GRID2: variants seen among roughly 807,000 people sequenced by gnomAD.
GRID2 encodes the protein glutamate receptor ionotropic, delta-2.
GRID2 carries 33 observed loss-of-function variants against 114.8 expected under a neutral mutation model. That is an observed-to-expected ratio of 0.29 (90% confidence interval 0.22 to 0.38). The LOEUF (loss-of-function observed/expected upper bound fraction) is 0.38, where lower values mean the gene tolerates loss of function less well. Ranked by LOEUF, GRID2 falls within the 10% of genes least tolerant of loss-of-function variation. The pLI is 1.00. For missense variants in GRID2, 1,184 were observed against 1,257.7 expected (o/e 0.94, Z 0.89); for synonymous variants, 505 against 449.9 (o/e 1.12, Z -1.55).
At chr4:93,734,699 T>C (rs1730777239) in intron 14 of GRID2, among the ~76,000 whole-genome samples, 1 of 151,826 alleles carries the variant, frequency 6.6e-6, no homozygotes, top group Non-Finnish European at 1.5e-5. Context: ...TGGGAGTGTA[T>C]GAGGTTGGTA....
At chr4:93,583,819 C>T (rs1737243439) in intron 13 of GRID2, among the ~76,000 whole-genome samples, 1 of 152,116 alleles carries the variant, frequency 6.6e-6, no homozygotes, top group Non-Finnish European at 1.5e-5. Context: ...TAGCAATTGA[C>T]AACTAATACA....
chr4:93,297,719 TATC>T (rs1324672132), intron 8 of GRID2, among the ~76,000 whole-genome samples: 1 of 152,228 alleles, frequency 6.6e-6, no homozygotes, highest in Non-Finnish European at 1.5e-5. Flanking sequence ...TATTGGCTAA[TATC>T]ATGATCATGA....
At chr4:92,881,053 C>G (rs1745973700) in intron 2 of GRID2, among the ~76,000 whole-genome samples, 1 of 152,102 alleles carries the variant, frequency 6.6e-6, no homozygotes, top group Non-Finnish European at 1.5e-5. Context: ...TAGACATGAG[C>G]CACCATGCCC....
intron 8 of GRID2, among the ~76,000 whole-genome samples, chr4:93,335,195 T>C (rs1010864102): frequency 1.3e-5 from 2 of 152,196 alleles, no homozygotes; most frequent in African/African-American, 4.8e-5. Context: ...AAAAATTTTG[T>C]GTGATATTCA....
intron 13 of GRID2, among the ~76,000 whole-genome samples, chr4:93,591,213 A>G (rs1481705453): frequency 6.6e-6 from 1 of 151,036 alleles, no homozygotes; most frequent in Admixed American, 6.6e-5. Flanking sequence ...AGCTCTTATT[A>G]TTTTGAAATA....
chr4:93,500,559 T>G (rs1015354132), intron 12 of GRID2, among the ~76,000 whole-genome samples: 1 of 152,036 alleles, frequency 6.6e-6, no homozygotes, highest in Non-Finnish European at 1.5e-5. Flanking sequence ...CATCCTACCT[T>G]ACAGTCTATC....
chr4:93,562,193 A>G (rs1734989046), intron 13 of GRID2, among the ~76,000 whole-genome samples: 2 of 135,532 alleles, frequency 1.5e-5, no homozygotes, highest in African/African-American at 6.1e-5. Flanking sequence ...TGGTTTTGTC[A>G]GAGTTTTTTT....
chr4:92,531,255 G>A (rs1341209913), intron 1 of GRID2, among the ~76,000 whole-genome samples: 1 of 151,964 alleles, frequency 6.6e-6, no homozygotes, highest in Non-Finnish European at 1.5e-5. Flanking sequence ...TGCATAATTA[G>A]GAGGAGAAAA....
rs1444486502 is a variant in GRID2, at chr4:92,578,190, C to T, written c.89-11941C>T. On this transcript the variant is annotated intron_variant, in intron 1 of 15. Coordinates refer to ENST00000282020, the MANE Select transcript of GRID2 (RefSeq NM_001510.4). ...CGTGCAGGTTAGTTACATATGTATA[C>T]ATGTGCCATGCTGGTGTGCTGCACC... is the stretch of plus-strand genomic sequence containing the variant. 2.7e-5 allele frequency among the ~76,000 whole-genome samples: 4 copies of T among 149,738 alleles called. No individual in the cohort carries two copies. The East Asian group carries it at 8.0e-4, about 30-fold the overall frequency.
intron 8 of GRID2, among the ~76,000 whole-genome samples, chr4:93,301,549 G>C (rs186920719): frequency 8.2e-4 from 125 of 152,142 alleles, no homozygotes; most frequent in Middle Eastern, 3.4e-3. Flanking sequence ...AGATGTTAAT[G>C]ATGATAATAT....
intron 13 of GRID2, among the ~76,000 whole-genome samples, chr4:93,603,952 C>T (rs1159644477): frequency 2.6e-5 from 4 of 152,118 alleles, no homozygotes; most frequent in African/African-American, 4.8e-5. Context: ...TCCAGAGCTC[C>T]GATGGGGATG....
chr4:92,475,690 T>C (rs916147085), intron 1 of GRID2, among the ~76,000 whole-genome samples: 3 of 152,036 alleles, frequency 2.0e-5, no homozygotes, highest in African/African-American at 7.2e-5. Context: ...TTTAGGATTA[T>C]TTTTTAATTT....
At chr4:93,296,877 T>C (rs1754364658) in intron 8 of GRID2, among the ~76,000 whole-genome samples, 1 of 152,234 alleles carries the variant, frequency 6.6e-6, no homozygotes, top group African/African-American at 2.4e-5. Context: ...ATTGCATACA[T>C]TTGTCCAGTT....
intron 8 of GRID2, among the ~76,000 whole-genome samples, chr4:93,358,288 A>C (rs576414328): frequency 6.6e-6 from 1 of 151,982 alleles, no homozygotes; most frequent in African/African-American, 2.4e-5. Context: ...AGTAGCAAAA[A>C]TGACTCTTTT....
chr4:92,720,856 TG>T (rs113304126), intron 2 of GRID2, among the ~76,000 whole-genome samples: 6 of 152,098 alleles, frequency 3.9e-5, no homozygotes, highest in African/African-American at 1.2e-4. Context: ...TGTACACTTG[TG>T]TTCATAGCAG....
chr4:92,368,719 T>A (rs887526779), intron 1 of GRID2, among the ~76,000 whole-genome samples: 1 of 151,916 alleles, frequency 6.6e-6, no homozygotes, highest in African/African-American at 2.4e-5. Flanking sequence ...CTACTCGGAG[T>A]CTATGATTTA....
At chr4:92,539,058 A>G (rs928297592) in intron 1 of GRID2, among the ~76,000 whole-genome samples, 3 of 137,936 alleles carry the variant, frequency 2.2e-5, no homozygotes, top group Admixed American at 7.4e-5. Context: ...AAAAAAAAAA[A>G]GTGTCTAATA....
At chr4:93,052,741 C>G (rs1247105214) in intron 2 of GRID2, among the ~76,000 whole-genome samples, 1 of 151,820 alleles carries the variant, frequency 6.6e-6, no homozygotes, top group Non-Finnish European at 1.5e-5. Context: ...GAGCCTGATT[C>G]TCTGAATTTT....
At chr4:92,479,838 GGACTTTGGAGAAAATA>G (rs1244213375) in intron 1 of GRID2, among the ~76,000 whole-genome samples, 1 of 152,052 alleles carries the variant, frequency 6.6e-6, no homozygotes, top group Non-Finnish European at 1.5e-5. Context: ...GGCTTGATCT[GGACTTTGGAGAAAATA>G]GAGAGGCAAT....
Sources: gnomAD v4.1 joint callset for allele counts (sites outside exome capture counted in the v4.1 genomes callset) on GRCh38, gnomAD v4.1.1 for gene constraint, MANE v1.5 for transcripts, NCBI Gene and HGNC (gene_info 2026-07-23, HGNC 2026-07-21) for gene names.